The following RBFOX1 variants were observed in gnomAD, a reference collection of about 807,000 sequenced individuals.
RBFOX1 encodes the protein RNA binding fox-1 homolog 1.
Under a neutral mutation model 57.7 loss-of-function variants are expected in RBFOX1, and 8 were observed. The observed-to-expected ratio is 0.14, with a 90% CI of 0.08 to 0.25. The LOEUF (loss-of-function observed/expected upper bound fraction) is 0.25, where lower values mean the gene tolerates loss of function less well. Among genes scored for constraint, RBFOX1 ranks in the 10% least tolerant of loss-of-function variants. RBFOX1 has a pLI of 1.00. For synonymous variants in RBFOX1, 326 were observed against 222.4 expected (o/e 1.47, Z -4.15); for missense variants, 611 against 548.5 (o/e 1.11, Z -1.14).
At chr16:7,213,870 C>G (rs552898845) in intron 4 of RBFOX1, among the ~76,000 whole-genome samples, 40 of 152,232 alleles carry the variant, frequency 2.6e-4, no homozygotes, top group African/African-American at 9.4e-4. Flanking sequence ...ATAGGGGGAA[C>G]GACTCAAAGA....
At chr16:6,687,331 G>C in intron 3 of RBFOX1, among the ~76,000 whole-genome samples, 1 of 151,980 alleles carries the variant, frequency 6.6e-6, no homozygotes. Flanking sequence ...CTGCATATTA[G>C]GTACAATGTA....
At chr16:6,784,004 T>G (rs1367107144) in intron 3 of RBFOX1, among the ~76,000 whole-genome samples, 1 of 152,194 alleles carries the variant, frequency 6.6e-6, no homozygotes. Context: ...AGAAGTCTGC[T>G]GACAAACATT....
intron 2 of RBFOX1, among the ~76,000 whole-genome samples, chr16:6,327,791 C>T (rs763789753): frequency 3.3e-5 from 5 of 152,090 alleles, no homozygotes; most frequent in South Asian, 2.1e-4. Context: ...TCTTCTTGAC[C>T]GATCTGAGAT....
intron 4 of RBFOX1, among the ~76,000 whole-genome samples, chr16:7,221,029 A>ATG (rs1219492924): frequency 3.3e-5 from 5 of 152,164 alleles, no homozygotes; most frequent in African/African-American, 1.2e-4. Context: ...AGTTTATCAG[A>ATG]TGTACTGTCT....
At chr16:6,767,947 TAAGA>T (rs2077618843) in intron 3 of RBFOX1, among the ~76,000 whole-genome samples, 1 of 101,048 alleles carries the variant, frequency 9.9e-6, no homozygotes, top group Non-Finnish European at 1.9e-5. Flanking sequence ...ATAATAATAA[TAAGA>T]AGAAGAAGAA....
At chr16:5,633,718 AC>A (rs2048593817) in intron 3 of RBFOX1, among the ~76,000 whole-genome samples, 2 of 152,226 alleles carry the variant, frequency 1.3e-5, no homozygotes, top group South Asian at 4.2e-4. Flanking sequence ...TTCTAAAAAT[AC>A]AAAAATTAGC....
At chr16:7,166,452 G>A (rs1055549105) in intron 4 of RBFOX1, among the ~76,000 whole-genome samples, 1 of 152,126 alleles carries the variant, frequency 6.6e-6, no homozygotes, top group African/African-American at 2.4e-5. Context: ...GATTCAGAGG[G>A]GAGGGGGAAT....
At chr16:6,438,191 T>A (rs1318929334) in intron 2 of RBFOX1, among the ~76,000 whole-genome samples, 1 of 152,246 alleles carries the variant, frequency 6.6e-6, no homozygotes, top group East Asian at 1.9e-4. Flanking sequence ...TACAATGTAA[T>A]AATTACTAAT....
chr16:7,529,423 A>G (rs1407410406), intron 5 of RBFOX1, among the ~76,000 whole-genome samples: 1 of 152,238 alleles, frequency 6.6e-6, no homozygotes, highest in Non-Finnish European at 1.5e-5. Flanking sequence ...GCGTGATGGT[A>G]TGCAACCCTT....
At chr16:6,789,103 G>C (rs2082471448) in intron 3 of RBFOX1, among the ~76,000 whole-genome samples, 1 of 152,080 alleles carries the variant, frequency 6.6e-6, no homozygotes. Context: ...CAGCCTCCCT[G>C]AATTTACCAG....
At chr16:7,261,630 C>A (rs981975334) in intron 4 of RBFOX1, among the ~76,000 whole-genome samples, 1 of 152,184 alleles carries the variant, frequency 6.6e-6, no homozygotes, top group African/African-American at 2.4e-5. Context: ...GGAACTCAGG[C>A]TCTGTAGGCT....
intron 14 of RBFOX1, among the ~76,000 whole-genome samples, chr16:7,689,620 G>T (rs1598164708): frequency 6.6e-6 from 1 of 152,006 alleles, no homozygotes; most frequent in East Asian, 1.9e-4. Context: ...TTATCTTCAG[G>T]GAAGTTGGAG....
intron 4 of RBFOX1, among the ~76,000 whole-genome samples, chr16:7,486,422 C>T (rs2151387295): frequency 6.6e-6 from 1 of 152,140 alleles, no homozygotes; most frequent in South Asian, 2.1e-4. Context: ...TAGGTGTGAG[C>T]CATGGTACCC....
intron 4 of RBFOX1, among the ~76,000 whole-genome samples, chr16:7,341,301 T>G (rs1287291225): frequency 1.3e-5 from 2 of 152,162 alleles, no homozygotes; most frequent in Non-Finnish European, 2.9e-5. Context: ...ATGGTCACTG[T>G]CTAGATTGAG....
chr16:7,582,907 C>G (rs1602461562), intron 6 of RBFOX1, among the ~76,000 whole-genome samples: 1 of 152,162 alleles, frequency 6.6e-6, no homozygotes, highest in Non-Finnish European at 1.5e-5. Flanking sequence ...CTTCAAACTG[C>G]CTAAAACTTG....
intron 5 of RBFOX1, among the ~76,000 whole-genome samples, chr16:7,570,486 G>A (rs2152765308): frequency 6.6e-6 from 1 of 152,260 alleles, no homozygotes; most frequent in South Asian, 2.1e-4. Flanking sequence ...GGATGAGTAA[G>A]GACTGCCACC....
At chr16:7,232,289 A>G (rs1603413740) in intron 4 of RBFOX1, among the ~76,000 whole-genome samples, 1 of 152,170 alleles carries the variant, frequency 6.6e-6, no homozygotes, top group South Asian at 2.1e-4. Context: ...AACCACCACA[A>G]CAAAAACCAT....
chr16:6,187,159 T>C (rs903824284), intron 1 of RBFOX1, among the ~76,000 whole-genome samples: 4 of 152,148 alleles, frequency 2.6e-5, no homozygotes, highest in African/African-American at 7.2e-5. Flanking sequence ...TGCTTGGCCC[T>C]ATCATACAAA....
chr16:5,355,129 C>A (rs545476680), intron 1 of RBFOX1, among the ~76,000 whole-genome samples: 1 of 152,286 alleles, frequency 6.6e-6, no homozygotes, highest in African/African-American at 2.4e-5. Flanking sequence ...CGTCTTAGCT[C>A]AGAAGAGGTG....
Sources: allele counts gnomAD v4.1 joint callset (sites outside exome capture counted in the v4.1 genomes callset), GRCh38; gene constraint gnomAD v4.1.1; transcripts MANE v1.5; gene names NCBI Gene and HGNC (gene_info 2026-07-23, HGNC 2026-07-21).